Variants in AFF2 observed in about 807,000 individuals in gnomAD.
AFF2 encodes ALF transcription elongation factor 2.
AFF2 carries 14 observed loss-of-function variants against 76.9 expected under a neutral mutation model. The observed-to-expected ratio is 0.18, with a 90% confidence interval of 0.12 to 0.28. The LOEUF is 0.28. Ranked by LOEUF, AFF2 falls within the 10% of genes least tolerant of loss-of-function variation. The probability of loss-of-function intolerance (pLI) is 1.00; values close to 1 mark genes in which losing one functional copy is unlikely to be tolerated. For missense variants in AFF2, 868 were observed against 1,001.1 expected, an observed-to-expected ratio of 0.87 and a Z score of 1.79; for synonymous variants, 398 against 366.7, an observed-to-expected ratio of 1.09 and a Z score of -0.98.
intron 7 of AFF2, among the ~76,000 whole-genome samples, chrX:148,869,614 T>G: frequency 9.0e-6 from 1 of 111,682 alleles, no homozygotes. Flanking sequence ...AGCCCACCCA[T>G]TTTGGAGAGC....
intron 4 of AFF2, among the ~76,000 whole-genome samples, chrX:148,824,229 G>A (rs1020210530): frequency 1.8e-5 from 2 of 111,382 alleles, no homozygotes; most frequent in Non-Finnish European, 3.8e-5. Context: ...ATTAAGGGGA[G>A]TTGCTTACCT....
chrX:148,695,893 A>G (rs2054716758), intron 3 of AFF2, among the ~76,000 whole-genome samples: 1 of 112,381 alleles, frequency 8.9e-6, no homozygotes, highest in Non-Finnish European at 1.9e-5. Context: ...AACTAAAACT[A>G]GAGCACTCAA....
intron 8 of AFF2, among the ~76,000 whole-genome samples, chrX:148,902,556 C>T (rs1366480251): frequency 8.9e-6 from 1 of 111,895 alleles, no homozygotes; most frequent in South Asian, 3.8e-4. Context: ...GCAGTCCCCA[C>T]TTCTTGCCAG....
intron 1 of AFF2, among the ~76,000 whole-genome samples, chrX:148,526,791 T>C (rs1348678087): frequency 9.0e-6 from 1 of 111,607 alleles, no homozygotes; most frequent in Non-Finnish European, 1.9e-5. Flanking sequence ...GATGTTATAA[T>C]GATCTCACCA....
At chrX:148,535,823 C>T in intron 1 of AFF2, among the ~76,000 whole-genome samples, 2 of 111,508 alleles carry the variant, frequency 1.8e-5, no homozygotes, top group Middle Eastern at 9.2e-3. Context: ...GATGGTGTGA[C>T]TCAGCATTGG....
intron 1 of AFF2, among the ~76,000 whole-genome samples, chrX:148,597,391 A>G (rs184686093): frequency 5.9e-4 from 66 of 111,323 alleles, no homozygotes; most frequent in African/African-American, 2.1e-3. Context: ...GTTCTAGGGT[A>G]TTATTAAGTG....
intron 1 of AFF2, among the ~76,000 whole-genome samples, chrX:148,508,334 A>G (rs1468242662): frequency 7.1e-5 from 8 of 112,291 alleles, no homozygotes; most frequent in Non-Finnish European, 1.5e-4. Context: ...TAGGCAACGT[A>G]TCTCCTGGAA....
At chrX:148,535,812 T>C (rs1251941647) in intron 1 of AFF2, among the ~76,000 whole-genome samples, 1 of 111,321 alleles carries the variant, frequency 9.0e-6, no homozygotes, top group African/African-American at 3.3e-5. Flanking sequence ...ACAGATTTTA[T>C]GATGGTGTGA....
intron 3 of AFF2, among the ~76,000 whole-genome samples, chrX:148,711,344 A>T (rs189706362): frequency 1.2e-4 from 14 of 112,063 alleles, no homozygotes; most frequent in Admixed American, 1.1e-3. Context: ...ATTATTAGAA[A>T]ATCTACATTA....
At chrX:148,584,770 A>T (rs1256156718) in intron 1 of AFF2, among the ~76,000 whole-genome samples, 2 of 109,537 alleles carry the variant, frequency 1.8e-5, no homozygotes, top group African/African-American at 6.7e-5. Context: ...TCTTCTCCTG[A>T]CCTCGTGATC....
intron 7 of AFF2, among the ~76,000 whole-genome samples, chrX:148,871,840 C>G (rs782371740): frequency 1.8e-5 from 2 of 111,636 alleles, no homozygotes; most frequent in African/African-American, 6.5e-5. Context: ...GCTCTTTTCC[C>G]TTGGTGAGGC....
chrX:148,773,980 T>C (rs782613677), intron 3 of AFF2, among the ~76,000 whole-genome samples: 1 of 111,412 alleles, frequency 9.0e-6, no homozygotes, highest in South Asian at 3.8e-4. Context: ...CTTAAGCTTT[T>C]TGGAGAACAC....
chrX:148,978,500 C>A, intron 18 of AFF2, 45 bp downstream of exon 18: 1 of 907,021 alleles, frequency 1.1e-6, no homozygotes, highest in Non-Finnish European at 1.6e-6. Context: ...ATGATAAAAT[C>A]ACTAATAAGA....
chrX:148,675,480 G>A (rs2054473378), intron 3 of AFF2, among the ~76,000 whole-genome samples: 1 of 111,075 alleles, frequency 9.0e-6, no homozygotes, highest in African/African-American at 3.3e-5. Flanking sequence ...CTGCTATGCT[G>A]TATAGTTTCA....
intron 3 of AFF2, among the ~76,000 whole-genome samples, chrX:148,776,805 T>C (rs1252187425): frequency 1.2e-4 from 13 of 112,039 alleles, no homozygotes; most frequent in Non-Finnish European, 2.4e-4. Flanking sequence ...TTCTGTAGGT[T>C]GCCTGTTCAC....
intron 1 of AFF2, among the ~76,000 whole-genome samples, chrX:148,641,769 G>A (rs1265568275): frequency 1.8e-5 from 2 of 111,709 alleles, no homozygotes; most frequent in Non-Finnish European, 3.8e-5. Flanking sequence ...TTGGCTTGTA[G>A]AAGTATCACT....
chrX:148,614,624 T>C (rs782558901), intron 1 of AFF2, among the ~76,000 whole-genome samples: 6 of 106,776 alleles, frequency 5.6e-5, no homozygotes, highest in Non-Finnish European at 9.7e-5. Flanking sequence ...TTCCTTCCTT[T>C]CTTTCTTTCT....
At chrX:148,639,189 T>G (rs1398279816) in intron 1 of AFF2, among the ~76,000 whole-genome samples, 4 of 112,287 alleles carry the variant, frequency 3.6e-5, no homozygotes, top group African/African-American at 1.3e-4. Context: ...CATATTTGTG[T>G]AAGGAATTGC....
chrX:148,714,677 AT>A (rs2055007005), intron 3 of AFF2, among the ~76,000 whole-genome samples: 1 of 111,594 alleles, frequency 9.0e-6, no homozygotes, highest in Admixed American at 9.6e-5. Context: ...CCAAAATTTT[AT>A]GCCAATGGCC....
Sources: gnomAD v4.1 joint callset for allele counts (sites outside exome capture counted in the v4.1 genomes callset) on GRCh38, gnomAD v4.1.1 for gene constraint, MANE v1.5 for transcripts, NCBI Gene and HGNC (gene_info 2026-07-23, HGNC 2026-07-21) for gene names.